Variants in KANSL3 observed in about 807,000 individuals in gnomAD.
KANSL3 encodes the protein KAT8 regulatory NSL complex subunit 3, also known as NSL complex protein NSL3.
Under a neutral mutation model 89.2 loss-of-function variants are expected in KANSL3, and 16 were observed. That is an observed-to-expected ratio of 0.18 (90% confidence interval 0.12 to 0.27). The LOEUF (loss-of-function observed/expected upper bound fraction) is 0.27. KANSL3 is among the 10% of genes least tolerant of loss of function. The pLI, the probability that KANSL3 is intolerant of heterozygous loss-of-function variation, is 1.00. For synonymous variants in KANSL3, 385 were observed against 419.7 expected (o/e 0.92, Z 1.01); for missense variants, 879 against 1,110.6 (o/e 0.79, Z 2.96).
chr2:96,605,616 C>T (rs972604104), intron 14 of KANSL3, 105 bp from the exon 15 acceptor site: 8 of 941,014 alleles, frequency 8.5e-6, no homozygotes, highest in Admixed American at 6.0e-5. Flanking sequence ...GTAGAACACA[C>T]AGGATAACCA....
intron 2 of KANSL3, among the ~76,000 whole-genome samples, chr2:96,632,923 G>A (rs1017635966): frequency 9.2e-5 from 13 of 140,690 alleles, no homozygotes; most frequent in East Asian, 8.4e-4. Context: ...CCGAGATTGC[G>A]CCACTGCACT....
chr2:96,585,064 T>G, the KANSL3 span, among the ~76,000 whole-genome samples: 5 of 152,226 alleles, frequency 3.3e-5, no homozygotes, highest in Non-Finnish European at 5.9e-5. Flanking sequence ...ATTTTCTGTC[T>G]TTTGTTGGCT....
intron 3 of KANSL3, among the ~76,000 whole-genome samples, chr2:96,621,162 A>T (rs554166143): frequency 2.1e-4 from 32 of 152,290 alleles, no homozygotes; most frequent in African/African-American, 7.5e-4. Context: ...CCTACATATC[A>T]TTCTACATCA....
chr2:96,590,482 G>A (rs983195276), downstream of KANSL3, among the ~76,000 whole-genome samples: 3 of 151,850 alleles, frequency 2.0e-5, no homozygotes, highest in African/African-American at 4.8e-5. Flanking sequence ...TAGAGGCAGG[G>A]TCTATCTATG....
rs1302803170 is a variant in KANSL3 at position 96,593,427 on chromosome 2, C to T, written c.*2184G>A. The T allele has an allele frequency of 2.5e-6, 1 of 406,550 alleles. No homozygotes were observed. The highest frequency in any genetic ancestry group is 2.1e-5 in the African/African-American group (1 of 48,082). 25.2% of individuals were successfully genotyped at this position (406,550 alleles called of 1,614,324 possible). A position where few individuals can be genotyped will look rare whatever the true frequency, so the allele number is the denominator to read the frequency against. On this transcript the variant is annotated 3_prime_UTR_variant, in exon 21 of 21. Transcript: ENST00000431828. ...ATATTGCCTTCTGAGGTTATGGATT[C>T]CAGGTCTTCTATGAAATAGGTAAAG...
At chr2:96,600,420 A>G (rs2067014034) in intron 20 of KANSL3, 2 of 978,682 alleles carry the variant, frequency 2.0e-6, no homozygotes, top group Admixed American at 1.2e-4. Flanking sequence ...ATAAGATAAA[A>G]TTAAAACATT....
At chr2:96,632,720 C>T (rs1165236780) in intron 2 of KANSL3, among the ~76,000 whole-genome samples, 1 of 152,078 alleles carries the variant, frequency 6.6e-6, no homozygotes, top group Non-Finnish European at 1.5e-5. Context: ...ATAAGCCACA[C>T]ACGACTACTT....
At chr2:96,586,447 A>G in the KANSL3 span, among the ~76,000 whole-genome samples, 1 of 152,152 alleles carries the variant, frequency 6.6e-6, no homozygotes, top group Non-Finnish European at 1.5e-5. Flanking sequence ...TTCTGTCTTT[A>G]ATTATAATGT....
chr2:96,637,295 C>T (rs1194031553), intron 1 of KANSL3, 110 bp from the exon 2 acceptor site: 4 of 569,170 alleles, frequency 7.0e-6, no homozygotes, highest in African/African-American at 5.7e-5. Flanking sequence ...TATTGAGTAT[C>T]CATTTCACGG....
downstream of KANSL3, among the ~76,000 whole-genome samples, chr2:96,591,699 C>A (rs955361330): frequency 2.0e-5 from 3 of 152,112 alleles, no homozygotes; most frequent in Non-Finnish European, 4.4e-5. Flanking sequence ...TAAGGAGAAC[C>A]AACCCACAAG....
chr2:96,620,563 T>C (rs899864692), intron 3 of KANSL3, among the ~76,000 whole-genome samples: 1 of 152,174 alleles, frequency 6.6e-6, no homozygotes, highest in Non-Finnish European at 1.5e-5. Flanking sequence ...ATGGAGCTTA[T>C]TATTGTCCCC....
chr2:96,624,902 C>T (rs973300890), intron 3 of KANSL3, among the ~76,000 whole-genome samples: 1 of 151,704 alleles, frequency 6.6e-6, no homozygotes, highest in Non-Finnish European at 1.5e-5. Flanking sequence ...CAAAGGCTAT[C>T]TGTGTTATAA....
intron 9 of KANSL3, among the ~76,000 whole-genome samples, chr2:96,611,357 A>G (rs762413512): frequency 8.5e-5 from 13 of 152,176 alleles, no homozygotes; most frequent in Non-Finnish European, 1.8e-4. Flanking sequence ...CTGGGGCCCT[A>G]AGAGGACCCC....
intron 20 of KANSL3, chr2:96,601,403 G>C: frequency 9.1e-6 from 9 of 985,244 alleles, no homozygotes; most frequent in Non-Finnish European, 1.1e-5. Flanking sequence ...ACTAGACACT[G>C]CTACCCACTT....
intron 17 of KANSL3, 89 bp from the exon 18 acceptor site, chr2:96,602,951 T>A: frequency 8.2e-7 from 1 of 1,215,916 alleles, no homozygotes; most frequent in Non-Finnish European, 1.2e-6. Flanking sequence ...CACCACCAAC[T>A]AAAACACCAG....
At chr2:96,621,599 G>A (rs1026992571) in intron 3 of KANSL3, among the ~76,000 whole-genome samples, 17 of 151,452 alleles carry the variant, frequency 1.1e-4, no homozygotes, top group Non-Finnish European at 2.2e-4. Context: ...GAGGCAGGAG[G>A]AGTCCAGAAG....
Position 96,636,893 on chromosome 2 carries a change from C to G in KANSL3, c.215+28G>C, listed in dbSNP as rs959460197. The G allele has an allele frequency of 7.4e-6, 11 of 1,479,712 alleles. No individual in the cohort carries two copies. The African/African-American group carries it at 1.4e-4, about 19-fold the overall frequency. 91.7% of individuals were successfully genotyped at this position (1,479,712 alleles called of 1,614,324 possible). A position where few individuals can be genotyped will look rare whatever the true frequency, so the allele number is the denominator to read the frequency against. ...ATCTGATCACTGCCCAGTGAGGTTA[C>G]CAGCAGCCCTTAGAAGCCCCAACTC... On this transcript the variant is annotated intron_variant, in intron 2 of 20. Coordinates refer to ENST00000431828, the MANE Select transcript of KANSL3 (RefSeq NM_001115016.3).
In KANSL3 at chr2:96,619,344, C is replaced by T; in HGVS notation, c.663+15G>A. The T allele has an allele frequency of 6.2e-7, 1 of 1,602,900 alleles. No individual in the cohort carries two copies. The highest frequency in any genetic ancestry group is 8.5e-7 in the Non-Finnish European group (1 of 1,173,650). ...GCTATCCCTAGGACAGGGCAGACCC[C>T]AATCACAGCCTTACCTTCCCCTTCA... On this transcript the variant is annotated intron_variant, in intron 5 of 20. Coordinates refer to ENST00000431828, the MANE Select transcript of KANSL3 (RefSeq NM_001115016.3).
chr2:96,584,069 T>C, the KANSL3 span, among the ~76,000 whole-genome samples: 4 of 152,252 alleles, frequency 2.6e-5, no homozygotes, highest in East Asian at 7.7e-4. Context: ...TCATGATTTG[T>C]AGTAATTCTT....
Sources: allele counts gnomAD v4.1 joint callset (sites outside exome capture counted in the v4.1 genomes callset), GRCh38; gene constraint gnomAD v4.1.1; transcripts MANE v1.5; gene names NCBI Gene and HGNC (gene_info 2026-07-23, HGNC 2026-07-21).